The following PRIMPOL variants were observed in gnomAD, a reference collection of about 807,000 sequenced individuals.
PRIMPOL encodes primase and DNA directed polymerase, also known as DNA-directed primase/polymerase protein.
In PRIMPOL, 54 loss-of-function variants were observed where a neutral mutation model predicts 63.6. The ratio of observed to expected loss-of-function variants is 0.85; its 90% CI spans 0.68 to 1.07. The LOEUF is 1.07. Ranked by LOEUF, PRIMPOL falls within the 50% of genes least tolerant of loss-of-function variation. The pLI, the probability that PRIMPOL is intolerant of heterozygous loss-of-function variation, is 0.00. For missense variants in PRIMPOL, 610 were observed against 648.3 expected (o/e 0.94, Z 0.64); for synonymous variants, 197 against 220.2 (o/e 0.89, Z 0.93).
At chr4:184,651,024 TCATGCCTGTAATCC>T (rs2150007026) in intron 1 of PRIMPOL, among the ~76,000 whole-genome samples, 1 of 151,996 alleles carries the variant, frequency 6.6e-6, no homozygotes, top group East Asian at 1.9e-4. Context: ...GCGCGGTGGC[TCATGCCTGTAATCC>T]CAGGACTTTG....
At chr4:184,669,807 C>T (rs72689263) in intron 6 of PRIMPOL, among the ~76,000 whole-genome samples, 19,869 of 152,130 alleles carry the variant, frequency 0.13, 1,399 homozygotes, top group Middle Eastern at 0.17. Context: ...TCCTGGGCTG[C>T]CAGCTCAGCC....
intron 7 of PRIMPOL, among the ~76,000 whole-genome samples, chr4:184,676,068 C>T (rs959263221): frequency 3.3e-5 from 5 of 152,046 alleles, no homozygotes; most frequent in Non-Finnish European, 7.4e-5. Context: ...TTTTGCTTTT[C>T]TTCCTTATCT....
At chr4:184,684,476 T>C (rs1167076990) in intron 9 of PRIMPOL, among the ~76,000 whole-genome samples, 9 of 151,814 alleles carry the variant, frequency 5.9e-5, no homozygotes, top group African/African-American at 2.2e-4. Flanking sequence ...AAAAATTAAA[T>C]GATATTTAAA....
intron 7 of PRIMPOL, 42 bp from the exon 8 acceptor site, chr4:184,678,190 A>C (rs755809941): frequency 4.2e-5 from 57 of 1,351,634 alleles, no homozygotes; most frequent in Non-Finnish European, 4.8e-5. Flanking sequence ...AACTAATAAC[A>C]GAAAACATGC....
At chr4:184,691,611 A>T (rs754295648) in intron 12 of PRIMPOL, 30 bp downstream of exon 12, 1 of 1,601,654 alleles carries the variant, frequency 6.2e-7, no homozygotes, top group East Asian at 2.2e-5. Flanking sequence ...ATTTACCACA[A>T]AGTAAAAATT....
intron 7 of PRIMPOL, among the ~76,000 whole-genome samples, chr4:184,674,272 A>G (rs1752707564): frequency 1.3e-5 from 2 of 152,234 alleles, no homozygotes; most frequent in African/African-American, 2.4e-5. Flanking sequence ...CAGAGATTTC[A>G]TAATATATGC....
chr4:184,693,501 T>C (rs1759553752), intron 13 of PRIMPOL, among the ~76,000 whole-genome samples: 1 of 152,230 alleles, frequency 6.6e-6, no homozygotes, highest in African/African-American at 2.4e-5. Flanking sequence ...CACTTAGTTT[T>C]CAGTTAACAT....
In PRIMPOL at chr4:184,694,646, TTGA is replaced by T; in HGVS notation, c.1556_1558del (p.Asp519del). Reference sequence around the variant, plus strand: ...GCTGATGCTGTCTGGGATAATGGCATTGATGATGCTTATTTTTTAGAAGCTACT... The same window carrying T: ...GCTGATGCTGTCTGGGATAATGGCATTGATGCTTATTTTTTAGAAGCTACT... On this transcript the variant is annotated inframe_deletion, in exon 14 of 14. Transcript: ENST00000314970. The T allele has an allele frequency of 6.2e-7, 1 of 1,614,164 alleles. No individual in the cohort carries two copies. The highest frequency in any genetic ancestry group is 1.1e-5 in the South Asian group (1 of 91,084).
chr4:184,685,379 G>T (rs1756731790), intron 9 of PRIMPOL, 30 bp from the exon 10 acceptor site: 3 of 1,477,134 alleles, frequency 2.0e-6, no homozygotes, highest in Non-Finnish European at 2.8e-6. Flanking sequence ...TTCAGCTATT[G>T]TAATTTATAA....
Position 184,694,630 on chromosome 4 carries a change from G to A in PRIMPOL, c.1534G>A (p.Val512Ile), listed in dbSNP as rs1760107579. Residue 512 changes from valine to isoleucine, a missense_variant, in exon 14 of 14, where the codon GTC (valine) becomes ATC (isoleucine). Val to Ile is a conservative substitution (Grantham distance 29). Coordinates refer to ENST00000314970, the MANE Select transcript of PRIMPOL (RefSeq NM_152683.4). The part of the protein sequence containing the change: ...RLSTGASADA[V>I]WDNGIDDAYF... ...GTCAACAGGTGCATCTGCTGATGCT[G>A]TCTGGGATAATGGCATTGATGATGC... 6.2e-7 allele frequency: 1 copy of A among 1,614,192 alleles called. No individual in the cohort carries two copies. The highest frequency in any genetic ancestry group is 8.5e-7 in the Non-Finnish European group (1 of 1,180,014).
chr4:184,658,362 T>C (rs112747296), intron 3 of PRIMPOL, among the ~76,000 whole-genome samples: 2 of 152,272 alleles, frequency 1.3e-5, no homozygotes, highest in Admixed American at 6.5e-5. Flanking sequence ...TAAAAAGATA[T>C]AGATAGGGGT....
chr4:184,656,247 A>G (rs1324268937), intron 2 of PRIMPOL, among the ~76,000 whole-genome samples: 1 of 152,022 alleles, frequency 6.6e-6, no homozygotes, highest in East Asian at 1.9e-4. Context: ...ACTTTTGTCA[A>G]TGTGATGTTG....
At chr4:184,694,178 G>T in intron 13 of PRIMPOL, 1 of 1,024,696 alleles carries the variant, frequency 9.8e-7, no homozygotes, top group Non-Finnish European at 1.2e-6. Context: ...CCATTGTCAA[G>T]ATAGCAAATT....
At chr4:184,676,034 A>G (rs1426878046) in intron 7 of PRIMPOL, among the ~76,000 whole-genome samples, 1 of 152,168 alleles carries the variant, frequency 6.6e-6, no homozygotes, top group Non-Finnish European at 1.5e-5. Flanking sequence ...TGTTAAAGAA[A>G]CGTGGCCTAT....
At chr4:184,669,617 G>A (rs1461367888) in intron 6 of PRIMPOL, among the ~76,000 whole-genome samples, 3 of 152,196 alleles carry the variant, frequency 2.0e-5, no homozygotes, top group Non-Finnish European at 4.4e-5. Context: ...TCTGCTACAG[G>A]TATCTTCTGA....
At position 184,685,608 on chromosome 4, in the gene PRIMPOL, G is replaced by T; in HGVS notation, c.1219G>T (p.Glu407Ter). The stretch of plus-strand genomic sequence containing the variant: ...GCGTTGGAACTACTTTTTCCCAGAA[G>T]AATTACTGGTTTATGATATTTGTAA... ...IRRWNYFFPE[E>*]LLVYDICKYR... The change falls in exon 11 of 14, where the codon GAA (glutamate) becomes TAA (stop). Residue 407 changes from glutamate (E) to a stop codon, truncating the protein, a stop_gained. Coordinates refer to ENST00000314970, the MANE Select transcript of PRIMPOL (RefSeq NM_152683.4). LOFTEE classifies it high-confidence loss of function. 3 of 1,612,686 alleles carry T rather than the reference G, an allele frequency of 1.9e-6. No homozygotes were observed. The highest frequency in any genetic ancestry group is 2.5e-6 in the Non-Finnish European group (3 of 1,178,984).
intron 4 of PRIMPOL, among the ~76,000 whole-genome samples, chr4:184,661,403 G>A (rs114106914): frequency 1.5e-3 from 234 of 152,206 alleles, no homozygotes; most frequent in African/African-American, 5.4e-3. Context: ...AGACTGCCAT[G>A]ATTTAAAAGG....
At chr4:184,659,925 G>A (rs1747800433) in intron 4 of PRIMPOL, among the ~76,000 whole-genome samples, 3 of 151,944 alleles carry the variant, frequency 2.0e-5, no homozygotes, top group Non-Finnish European at 2.9e-5. Flanking sequence ...AGTGCAAGTC[G>A]TTGTTCTGCC....
intron 9 of PRIMPOL, among the ~76,000 whole-genome samples, chr4:184,683,270 A>G (rs1265389178): frequency 6.6e-6 from 1 of 152,126 alleles, no homozygotes; most frequent in Non-Finnish European, 1.5e-5. Context: ...TAAAAATATA[A>G]AAATTAGCAG....
Sources: allele counts gnomAD v4.1 joint callset (sites outside exome capture counted in the v4.1 genomes callset), GRCh38; gene constraint gnomAD v4.1.1; transcripts MANE v1.5; gene names NCBI Gene and HGNC (gene_info 2026-07-23, HGNC 2026-07-21).